The following SPPL3 variants were observed in gnomAD, a reference collection of about 807,000 sequenced individuals.
SPPL3 encodes the protein signal peptide peptidase-like 3.
Under a neutral mutation model 42.4 loss-of-function variants are expected in SPPL3, and 5 were observed. The observed-to-expected ratio is 0.12, with a 90% confidence interval of 0.06 to 0.25. SPPL3 has a LOEUF of 0.25. Ranked by LOEUF, SPPL3 falls within the 10% of genes least tolerant of loss-of-function variation. The pLI is 1.00. For synonymous variants in SPPL3, 195 were observed against 181.8 expected (o/e 1.07, Z -0.58); for missense variants, 235 against 489.0 (o/e 0.48, Z 4.90).
chr12:120,853,080 G>A (rs1279094366), intron 1 of SPPL3, among the ~76,000 whole-genome samples: 1 of 151,318 alleles, frequency 6.6e-6, no homozygotes, highest in Non-Finnish European at 1.5e-5. Context: ...TATTTTTAGT[G>A]GAGACAGGGT....
intron 2 of SPPL3, among the ~76,000 whole-genome samples, chr12:120,793,909 A>T (rs1752322617): frequency 6.6e-6 from 1 of 152,210 alleles, no homozygotes; most frequent in South Asian, 2.1e-4. Flanking sequence ...ATAAATGTCA[A>T]TTAGGTCAAA....
At chr12:120,780,897 C>T (rs375408203) in intron 6 of SPPL3, among the ~76,000 whole-genome samples, 41 of 151,898 alleles carry the variant, frequency 2.7e-4, no homozygotes, top group African/African-American at 9.4e-4. Context: ...GCAACAAAAG[C>T]GAAACTCCCT....
At chr12:120,784,138 A>G (rs1284631505) in intron 4 of SPPL3, 1 of 254,460 alleles carries the variant, frequency 3.9e-6, no homozygotes, top group East Asian at 8.9e-5. Context: ...AGAGGCTGAC[A>G]ATGGCCTCTA....
At position 120,778,111 on chromosome 12, in the gene SPPL3, A is replaced by ATTTTTTTTTTTTTTTTT. The variant is rs57779322; in HGVS notation, c.502+4527_502+4543dup. Among the ~76,000 whole-genome samples the ATTTTTTTTTTTTTTTTT allele has an allele frequency of 2.2e-5, 2 of 90,942 alleles. 1 individual carries two copies. The highest frequency in any genetic ancestry group is 4.0e-5 in the Non-Finnish European group (2 of 50,334). The allele number at this position is 90,942 out of a possible 152,430, so 59.7% of individuals were successfully genotyped here. ...TTATTTCCAAAATGACTGAAAAGCA[A>ATTTTTTTTTTTTTTTTT]TTTTTTTTTTTTTTTTTTTTTTTGA... On this transcript the variant is annotated intron_variant, in intron 6 of 10. Coordinates refer to ENST00000353487, the MANE Select transcript of SPPL3 (RefSeq NM_139015.5).
At chr12:120,807,688 GA>G (rs1022586607) in intron 2 of SPPL3, among the ~76,000 whole-genome samples, 1 of 144,114 alleles carries the variant, frequency 6.9e-6, no homozygotes, top group East Asian at 2.0e-4. Context: ...AAAAAAAAAA[GA>G]AAAAAAGAGA....
chr12:120,819,926 C>A (rs1464180976), intron 1 of SPPL3, among the ~76,000 whole-genome samples: 3 of 152,104 alleles, frequency 2.0e-5, no homozygotes, highest in African/African-American at 7.2e-5. Context: ...AGGTTTTACC[C>A]ACCATTGCTT....
intron 8 of SPPL3, 38 bp from the exon 9 acceptor site, chr12:120,767,631 T>C (rs1378183512): frequency 6.2e-7 from 1 of 1,601,748 alleles, no homozygotes; most frequent in Non-Finnish European, 8.5e-7. Context: ...CGTCACACTC[T>C]ACAATCCAGT....
chr12:120,784,634 C>T, intron 3 of SPPL3, 41 bp from the exon 4 acceptor site: 1 of 1,544,580 alleles, frequency 6.5e-7, no homozygotes, highest in Non-Finnish European at 8.8e-7. Context: ...TTATTATGCA[C>T]CAGGCACTGT....
intron 1 of SPPL3, among the ~76,000 whole-genome samples, chr12:120,847,970 C>G (rs1014954481): frequency 5.9e-5 from 9 of 151,714 alleles, no homozygotes; most frequent in Non-Finnish European, 1.0e-4. Context: ...TTATAAGTGG[C>G]TGAATGTCTG....
intron 1 of SPPL3, among the ~76,000 whole-genome samples, chr12:120,836,842 C>G (rs1156963381): frequency 6.6e-6 from 1 of 152,112 alleles, no homozygotes; most frequent in African/African-American, 2.4e-5. Flanking sequence ...TGTGTGCATA[C>G]GTGCATATAC....
chr12:120,829,932 C>T (rs907960304), intron 1 of SPPL3, among the ~76,000 whole-genome samples: 9 of 147,992 alleles, frequency 6.1e-5, no homozygotes, highest in African/African-American at 1.7e-4. Flanking sequence ...AGATAGAGGT[C>T]GCAGTGAGCT....
At position 120,791,687 on chromosome 12, in the gene SPPL3, A is replaced by T. The variant is rs552898645; in HGVS notation, c.102-130T>A. On this transcript the variant is annotated intron_variant, in intron 2 of 10. Coordinates refer to ENST00000353487, the MANE Select transcript of SPPL3 (RefSeq NM_139015.5). Reference sequence around the variant, plus strand: ...TCTCTTTTGAACAACTCTGAAAAATAGCTCTTGTAACATTTTAAAAAACAA... The same window carrying T: ...TCTCTTTTGAACAACTCTGAAAAATTGCTCTTGTAACATTTTAAAAAACAA... 2.5e-5 allele frequency: 16 copies of T among 639,748 alleles called. No individual in the cohort carries two copies. In the South Asian group the frequency reaches 2.8e-4, roughly 11 times the overall value. 39.6% of individuals were successfully genotyped at this position (639,748 alleles called of 1,614,324 possible). A position where few individuals can be genotyped will look rare whatever the true frequency, so the allele number is the denominator to read the frequency against.
At chr12:120,801,949 T>C (rs1304114670) in intron 2 of SPPL3, among the ~76,000 whole-genome samples, 1 of 152,214 alleles carries the variant, frequency 6.6e-6, no homozygotes, top group Non-Finnish European at 1.5e-5. Context: ...TGAAGTTTAT[T>C]ACAGACACTA....
At chr12:120,787,670 C>G (rs1342707533) in intron 3 of SPPL3, among the ~76,000 whole-genome samples, 2 of 152,192 alleles carry the variant, frequency 1.3e-5, no homozygotes, top group Admixed American at 6.5e-5. Flanking sequence ...TTCTCTCTCT[C>G]TCTCATTCTC....
chr12:120,782,571 G>T, intron 6 of SPPL3, 84 bp downstream of exon 6: 1 of 1,076,036 alleles, frequency 9.3e-7, no homozygotes, highest in African/African-American at 1.6e-5. Context: ...TTGTAGTGAT[G>T]GTTGTACAGC....
chr12:120,834,819 A>C (rs1239246528), intron 1 of SPPL3, among the ~76,000 whole-genome samples: 1 of 152,214 alleles, frequency 6.6e-6, no homozygotes. Context: ...AGTAGGTAAA[A>C]TGTGCCAAAA....
Position 120,903,737 on chromosome 12 carries a change from C to T in SPPL3, c.23+108G>A, listed in dbSNP as rs932190535. ...GGGCGTGCACCCCAACCCGCGCCCC[C>T]CCCCCACGACACGCACCTGTTCTTC... On this transcript the variant is annotated intron_variant, in intron 1 of 10. Transcript: ENST00000353487. The T allele has an allele frequency of 1.7e-5, 11 of 655,876 alleles. No individual in the cohort carries two copies. In the South Asian group the frequency reaches 1.7e-4, roughly 10 times the overall value. 40.6% of individuals were successfully genotyped at this position (655,876 alleles called of 1,614,324 possible). A position where few individuals can be genotyped will look rare whatever the true frequency, so the allele number is the denominator to read the frequency against.
rs139526351 is a variant in SPPL3, at chr12:120,826,870, C to A, written c.24-15984G>T. Among the ~76,000 whole-genome samples, 417 of 152,024 alleles carry A rather than the reference C, an allele frequency of 2.7e-3. 1 individual carries two copies. Among genetic ancestry groups the A allele is most frequent in the African/African-American group, 5.2e-3 (214 of 41,438 alleles). On this transcript the variant is annotated intron_variant, in intron 1 of 10. Transcript: ENST00000353487. ...GAAACTAAAATAACAATGAGATGCC[C>A]TGGGTGATTTTATTTATGAATTTTC...
At chr12:120,870,443 AAAAAAGAAAG>A in intron 1 of SPPL3, among the ~76,000 whole-genome samples, 1 of 152,304 alleles carries the variant, frequency 6.6e-6, no homozygotes, top group South Asian at 2.1e-4. Context: ...CGGTCTCAGA[AAAAAAGAAAG>A]AAAAAAGATA....
Sources: allele counts gnomAD v4.1 joint callset (sites outside exome capture counted in the v4.1 genomes callset), GRCh38; gene constraint gnomAD v4.1.1; transcripts MANE v1.5; gene names NCBI Gene and HGNC (gene_info 2026-07-23, HGNC 2026-07-21).